ZBTB20: variants seen among roughly 807,000 people sequenced by gnomAD.
ZBTB20 encodes the protein zinc finger and BTB domain containing 20, also known as zinc finger and BTB domain-containing protein 20.
A neutral mutation model predicts 56.9 loss-of-function variants in ZBTB20; 9 were observed. The ratio of observed to expected loss-of-function variants is 0.16; its 90% CI spans 0.10 to 0.28. The LOEUF (loss-of-function observed/expected upper bound fraction) is 0.28, where lower values mean the gene tolerates loss of function less well. ZBTB20 is among the 10% of genes least tolerant of loss of function. The pLI, the probability that ZBTB20 is intolerant of heterozygous loss-of-function variation, is 1.00. For missense variants in ZBTB20, 655 were observed against 1,003.0 expected (o/e 0.65, Z 4.69); for synonymous variants, 417 against 420.7 (o/e 0.99, Z 0.11).
intron 1 of ZBTB20, among the ~76,000 whole-genome samples, chr3:115,096,744 C>T (rs1224714191): frequency 6.6e-6 from 1 of 152,204 alleles, no homozygotes; most frequent in Non-Finnish European, 1.5e-5. Context: ...TGGGCAAGTC[C>T]ATGAACACAT....
intron 6 of ZBTB20, among the ~76,000 whole-genome samples, chr3:114,579,414 C>A (rs996144475): frequency 3.3e-5 from 5 of 150,812 alleles, no homozygotes; most frequent in African/African-American, 1.2e-4. Context: ...ATGGTATGCA[C>A]CTAATGAGAA....
Position 114,316,740 on chromosome 3 carries a change from G to A in ZBTB20, c.*22265C>T, listed in dbSNP as rs958370179. The A allele has an allele frequency of 9.5e-5, 35 of 368,672 alleles. No homozygotes were observed. Among genetic ancestry groups the A allele is most frequent in the African/African-American group, 6.0e-4 (27 of 45,082 alleles). 22.8% of individuals were successfully genotyped at this position (368,672 alleles called of 1,614,324 possible). Reference sequence around the variant, plus strand: ...ATTCCTTGGAAAACATTTTTGATGAGAAAAATCTGACAGTTCTCAGCCCCA... The same window carrying A: ...ATTCCTTGGAAAACATTTTTGATGAAAAAAATCTGACAGTTCTCAGCCCCA... On this transcript the variant is annotated 3_prime_UTR_variant, in exon 12 of 12. Coordinates refer to ENST00000675478, the MANE Select transcript of ZBTB20 (RefSeq NM_001348800.3).
chr3:114,882,332 T>A (rs2076429510), intron 4 of ZBTB20, among the ~76,000 whole-genome samples: 1 of 152,054 alleles, frequency 6.6e-6, no homozygotes, highest in South Asian at 2.1e-4. Context: ...AAAGCAGGAA[T>A]TCTCATATAA....
chr3:114,441,969 C>G (rs1369114362), intron 7 of ZBTB20, among the ~76,000 whole-genome samples: 1 of 151,964 alleles, frequency 6.6e-6, no homozygotes, highest in Non-Finnish European at 1.5e-5. Flanking sequence ...AGGAAAGCAA[C>G]AAATTTACAA....
chr3:114,690,848 T>G (rs956587129), intron 6 of ZBTB20, among the ~76,000 whole-genome samples: 1 of 152,166 alleles, frequency 6.6e-6, no homozygotes, highest in African/African-American at 2.4e-5. Context: ...TTATCTGGTA[T>G]TGGTTGGCTG....
At position 114,946,299 on chromosome 3, in the gene ZBTB20, T is replaced by C. The variant is rs189975054; in HGVS notation, c.-456+28067A>G. The stretch of plus-strand genomic sequence containing the variant: ...CCTCAATAAATTTTCAAAGTATTTA[T>C]ATCATATAGAATATCTTCTCTGACC... On this transcript the variant is annotated intron_variant, in intron 3 of 11. Transcript: ENST00000675478. Among the ~76,000 whole-genome samples the C allele has an allele frequency of 1.5e-3, 217 of 145,868 alleles. 35 individuals are homozygous for C. The highest frequency in any genetic ancestry group is 4.8e-3 in the African/African-American group (172 of 36,066).
chr3:114,952,733 C>T (rs1004256069), intron 3 of ZBTB20, among the ~76,000 whole-genome samples: 1 of 151,952 alleles, frequency 6.6e-6, no homozygotes, highest in African/African-American at 2.4e-5. Flanking sequence ...GTGGAATTCT[C>T]ATCAGAAACC....
At chr3:114,940,060 T>G (rs1479766076) in intron 3 of ZBTB20, among the ~76,000 whole-genome samples, 1 of 138,116 alleles carries the variant, frequency 7.2e-6, no homozygotes, top group Non-Finnish European at 1.5e-5. Flanking sequence ...GTATCTTCTG[T>G]GTATGTAAGT....
intron 10 of ZBTB20, among the ~76,000 whole-genome samples, chr3:114,379,905 C>T (rs1401431793): frequency 6.6e-6 from 1 of 152,124 alleles, no homozygotes; most frequent in Non-Finnish European, 1.5e-5. Context: ...GTGGAAGTGC[C>T]ATTATCCAGA....
chr3:115,056,521 A>G (rs2081789909), intron 2 of ZBTB20, among the ~76,000 whole-genome samples: 1 of 152,162 alleles, frequency 6.6e-6, no homozygotes, highest in African/African-American at 2.4e-5. Context: ...CTTGAAAAAC[A>G]AGCATCTTTC....
At chr3:114,851,762 G>A (rs1006496185) in intron 4 of ZBTB20, among the ~76,000 whole-genome samples, 2 of 151,928 alleles carry the variant, frequency 1.3e-5, no homozygotes, top group East Asian at 1.9e-4. Flanking sequence ...ATGGTAATAC[G>A]TTTATAATTA....
chr3:114,390,996 T>C (rs2085822166), intron 7 of ZBTB20, among the ~76,000 whole-genome samples: 1 of 152,182 alleles, frequency 6.6e-6, no homozygotes, highest in South Asian at 2.1e-4. Flanking sequence ...CTTCCGTTTT[T>C]TTTTTCTTCC....
chr3:114,396,943 C>T (rs958455158), intron 7 of ZBTB20, among the ~76,000 whole-genome samples: 3 of 152,092 alleles, frequency 2.0e-5, no homozygotes, highest in African/African-American at 4.8e-5. Flanking sequence ...ATGTTCCACA[C>T]CCAGCTATTG....
At chr3:114,398,462 T>TCA (rs2086531729) in intron 7 of ZBTB20, among the ~76,000 whole-genome samples, 1 of 152,060 alleles carries the variant, frequency 6.6e-6, no homozygotes, top group South Asian at 2.1e-4. Flanking sequence ...ATCACAATAT[T>TCA]GGGAAGAAAC....
intron 7 of ZBTB20, among the ~76,000 whole-genome samples, chr3:114,488,081 T>A (rs1036885427): frequency 6.6e-6 from 1 of 152,214 alleles, no homozygotes; most frequent in Non-Finnish European, 1.5e-5. Context: ...GGGCTGGTGA[T>A]GCCAAATAAA....
intron 6 of ZBTB20, among the ~76,000 whole-genome samples, chr3:114,666,889 C>T (rs1243055243): frequency 6.6e-6 from 1 of 151,908 alleles, no homozygotes; most frequent in Non-Finnish European, 1.5e-5. Flanking sequence ...AGAGTCATAC[C>T]ACCAGTTCCT....
At chr3:114,434,406 A>G (rs932864129) in intron 7 of ZBTB20, among the ~76,000 whole-genome samples, 4 of 152,040 alleles carry the variant, frequency 2.6e-5, no homozygotes, top group Admixed American at 1.3e-4. Context: ...CGTATTTCCC[A>G]TGGTAGTGGG....
At chr3:114,573,291 C>G (rs2053634733) in intron 6 of ZBTB20, among the ~76,000 whole-genome samples, 1 of 151,870 alleles carries the variant, frequency 6.6e-6, no homozygotes, top group Non-Finnish European at 1.5e-5. Context: ...GAAACCCTGT[C>G]TCTACTAAAA....
At chr3:114,469,639 G>C (rs1436073984) in intron 7 of ZBTB20, among the ~76,000 whole-genome samples, 2 of 152,108 alleles carry the variant, frequency 1.3e-5, no homozygotes, top group African/African-American at 4.8e-5. Flanking sequence ...AGAACACAAT[G>C]TTTCCCTGGG....
Sources: gnomAD v4.1 joint callset for allele counts (sites outside exome capture counted in the v4.1 genomes callset) on GRCh38, gnomAD v4.1.1 for gene constraint, MANE v1.5 for transcripts, NCBI Gene and HGNC (gene_info 2026-07-23, HGNC 2026-07-21) for gene names.